The following FER1L6 variants were observed in gnomAD, a reference collection of about 807,000 sequenced individuals.
FER1L6 encodes the protein fer-1 like family member 6.
In FER1L6, 177 loss-of-function variants were observed where a neutral mutation model predicts 219.2. The ratio of observed to expected loss-of-function variants is 0.81; its 90% confidence interval spans 0.71 to 0.91. FER1L6 has a LOEUF of 0.91. Among genes scored for constraint, FER1L6 ranks in the 40% least tolerant of loss-of-function variants. The probability of loss-of-function intolerance (pLI) is 0.00; values close to 1 mark genes in which losing one functional copy is unlikely to be tolerated. For synonymous variants in FER1L6, 768 were observed against 824.3 expected (o/e 0.93, Z 1.17); for missense variants, 2,153 against 2,259.9 (o/e 0.95, Z 0.96).
chr8:124,048,713 T>A (rs1434802978), intron 21 of FER1L6, among the ~76,000 whole-genome samples: 1 of 152,232 alleles, frequency 6.6e-6, no homozygotes, highest in Non-Finnish European at 1.5e-5. Context: ...GTTCTCATGA[T>A]CCTATGGAAA....
At chr8:123,923,480 C>G (rs1241439598) in intron 1 of FER1L6, among the ~76,000 whole-genome samples, 1 of 152,124 alleles carries the variant, frequency 6.6e-6, no homozygotes, top group Non-Finnish European at 1.5e-5. Flanking sequence ...TTCCCCAGGG[C>G]ACTGCAAAAT....
At chr8:123,935,907 G>T (rs1448554569) in intron 1 of FER1L6, among the ~76,000 whole-genome samples, 2 of 145,370 alleles carry the variant, frequency 1.4e-5, no homozygotes, top group East Asian at 3.9e-4. Context: ...AAGGAAAATG[G>T]AGAAAGTGAT....
chr8:124,064,647 T>C, intron 26 of FER1L6, 74 bp downstream of exon 26: 1 of 1,350,548 alleles, frequency 7.4e-7, no homozygotes, highest in South Asian at 1.3e-5. Context: ...CAATATGAAG[T>C]TGCTTGCAGT....
At chr8:123,920,150 AG>A (rs1351015889) in intron 1 of FER1L6, among the ~76,000 whole-genome samples, 1 of 152,188 alleles carries the variant, frequency 6.6e-6, no homozygotes, top group African/African-American at 2.4e-5. Flanking sequence ...TTTGTTCTTG[AG>A]GTTGACAGAC....
chr8:124,071,645 G>A lies in FER1L6; in HGVS notation c.4092+14G>A, dbSNP rs749887057. ...TACATTGTCGCGGTGAGCCATTCTT[G>A]TTTGCTCTGAGGGGGTGTATTTATC... On this transcript the variant is annotated intron_variant, in intron 31 of 40. Coordinates refer to ENST00000522917, the MANE Select transcript of FER1L6 (RefSeq NM_001039112.2). The A allele has an allele frequency of 1.2e-6, 2 of 1,609,464 alleles. No individual in the cohort carries two copies. Among genetic ancestry groups the A allele is most frequent in the Middle Eastern group, 1.7e-4 (1 of 6,046 alleles).
intron 1 of FER1L6, among the ~76,000 whole-genome samples, chr8:123,949,578 A>C (rs542972679): frequency 6.6e-6 from 1 of 152,192 alleles, no homozygotes; most frequent in Non-Finnish European, 1.5e-5. Context: ...GTGAAGCTCA[A>C]TTGGAGGAAG....
rs1816121619 is a variant in FER1L6 at position 123,977,290 on chromosome 8, T to G, written c.871-127T>G. The G allele has an allele frequency of 7.9e-6, 7 of 887,868 alleles. No individual in the cohort carries two copies. In the East Asian group the frequency reaches 1.7e-4, roughly 22 times the overall value. The allele number at this position is 887,868 out of a possible 1,614,324, so 55.0% of individuals were successfully genotyped here. On this transcript the variant is annotated intron_variant, in intron 9 of 40. Transcript: ENST00000522917. ...GTCACGTTCGCTGAGTGTAACTGAT[T>G]TTCGTGGGTGTCAGAAGCAGGTTCA...
At chr8:123,934,770 G>A (rs1474981511) in intron 1 of FER1L6, among the ~76,000 whole-genome samples, 2 of 152,112 alleles carry the variant, frequency 1.3e-5, no homozygotes, top group Non-Finnish European at 2.9e-5. Flanking sequence ...TTGGGGGGGA[G>A]GGGTCCTGGT....
At chr8:123,950,438 C>A (rs921151977) in intron 1 of FER1L6, among the ~76,000 whole-genome samples, 1 of 152,172 alleles carries the variant, frequency 6.6e-6, no homozygotes, top group Non-Finnish European at 1.5e-5. Context: ...TGCCCTCTTG[C>A]CATTTTGCCC....
chr8:124,066,080 T>C (rs1167998788), intron 26 of FER1L6, among the ~76,000 whole-genome samples: 1 of 152,230 alleles, frequency 6.6e-6, no homozygotes, highest in Admixed American at 6.5e-5. Context: ...CTAATGCCTT[T>C]TCTGCTATAT....
chr8:124,028,305 T>C (rs1364486755), intron 18 of FER1L6, among the ~76,000 whole-genome samples: 1 of 152,256 alleles, frequency 6.6e-6, no homozygotes, highest in Non-Finnish European at 1.5e-5. Flanking sequence ...TCCAGTTATA[T>C]AAACTTGATA....
chr8:124,052,409 AGT>A (rs1302371010), intron 22 of FER1L6, among the ~76,000 whole-genome samples: 1 of 152,196 alleles, frequency 6.6e-6, no homozygotes, highest in Non-Finnish European at 1.5e-5. Context: ...TAAAGAGATC[AGT>A]GACACCTATG....
intron 1 of FER1L6, among the ~76,000 whole-genome samples, chr8:123,866,826 C>A (rs1008488120): frequency 1.3e-5 from 2 of 152,098 alleles, no homozygotes; most frequent in African/African-American, 4.8e-5. Context: ...TCTTTATTGC[C>A]CAGGCTGATC....
At chr8:124,109,152 T>C (rs916587553) in intron 39 of FER1L6, among the ~76,000 whole-genome samples, 1 of 152,064 alleles carries the variant, frequency 6.6e-6, no homozygotes, top group Admixed American at 6.6e-5. Context: ...GAGAGAGAGA[T>C]ACACGTCCAA....
chr8:123,898,781 G>GTATATATATATATACA (rs201509499), intron 1 of FER1L6, among the ~76,000 whole-genome samples: 1 of 135,844 alleles, frequency 7.4e-6, no homozygotes, highest in Non-Finnish European at 1.5e-5. Flanking sequence ...GTATATATAC[G>GTATATATATATATACA]TATGTACATA....
At chr8:123,948,640 T>G (rs1251615295) in intron 1 of FER1L6, among the ~76,000 whole-genome samples, 2 of 152,202 alleles carry the variant, frequency 1.3e-5, no homozygotes, top group South Asian at 4.1e-4. Context: ...TATAAAGAGG[T>G]ACAACTGACT....
rs149325406 is a variant in FER1L6, at chr8:124,053,054, G to A, written c.2874+3298G>A. Among the ~76,000 whole-genome samples the A allele has an allele frequency of 5.9e-5, 9 of 152,332 alleles. No individual in the cohort carries two copies. In the East Asian group the frequency reaches 1.5e-3, roughly 26 times the overall value. ...CTAGTCCAGCACTCCCATTTTGCAC[G>A]TGAGAAAGCTGAGGCTCAATGCTAA... On this transcript the variant is annotated intron_variant, in intron 22 of 40. Transcript: ENST00000522917.
intron 19 of FER1L6, 115 bp from the exon 20 acceptor site, chr8:124,039,767 T>G (rs1586624988): frequency 3.2e-5 from 42 of 1,332,548 alleles, no homozygotes; most frequent in Admixed American, 1.7e-4. Flanking sequence ...TGGCTGGTGG[T>G]CTCCTTTTGT....
chr8:124,001,305 TCA>T (rs1817400519), intron 12 of FER1L6, among the ~76,000 whole-genome samples: 1 of 152,216 alleles, frequency 6.6e-6, no homozygotes, highest in Non-Finnish European at 1.5e-5. Flanking sequence ...TTCTTCTGTT[TCA>T]GTTTCATCTC....
Sources: gnomAD v4.1 joint callset for allele counts (sites outside exome capture counted in the v4.1 genomes callset) on GRCh38, gnomAD v4.1.1 for gene constraint, MANE v1.5 for transcripts, NCBI Gene and HGNC (gene_info 2026-07-23, HGNC 2026-07-21) for gene names.